Variants in UFD1 observed in about 807,000 individuals in gnomAD.
UFD1 encodes the protein ubiquitin recognition factor in ER associated degradation 1, also known as ubiquitin recognition factor in ER-associated degradation protein 1.
A neutral mutation model predicts 45.9 loss-of-function variants in UFD1; 13 were observed. The observed-to-expected ratio is 0.28, with a 90% CI of 0.18 to 0.45. The LOEUF is 0.45. Ranked by LOEUF, UFD1 falls within the 20% of genes least tolerant of loss-of-function variation. The probability of loss-of-function intolerance (pLI) is 1.00; values close to 1 mark genes in which losing one functional copy is unlikely to be tolerated. For missense variants in UFD1, 218 were observed against 389.2 expected, an observed-to-expected ratio of 0.56 and a Z score of 3.70; for synonymous variants, 128 against 139.2, an observed-to-expected ratio of 0.92 and a Z score of 0.56.
chr22:19,475,451 A>G lies in UFD1; in HGVS notation c.136+19T>C. 1 of 1,613,386 alleles carries G rather than the reference A, an allele frequency of 6.2e-7. No individual in the cohort carries two copies. On this transcript the variant is annotated intron_variant, in intron 2 of 11. Transcript: ENST00000263202. Reference sequence around the variant, plus strand: ...TTAGGGCAGGAAAAGTTACTATTCAAATAAAAACAAGCACATACTCTTCCC... The same window carrying G: ...TTAGGGCAGGAAAAGTTACTATTCAGATAAAAACAAGCACATACTCTTCCC...
intron 6 of UFD1, among the ~76,000 whole-genome samples, chr22:19,458,800 G>C (rs2089743468): frequency 6.6e-6 from 1 of 152,142 alleles, no homozygotes; most frequent in Non-Finnish European, 1.5e-5. Flanking sequence ...TTCTAAGAAT[G>C]CTCATACCAA....
rs933213664 is a variant in UFD1 at position 19,464,844 on chromosome 22, C to T, written c.495+358G>A. Among the ~76,000 whole-genome samples, 3 of 152,324 alleles carry T rather than the reference C, an allele frequency of 2.0e-5. 1 individual carries two copies. In the South Asian group the frequency reaches 6.2e-4, roughly 32 times the overall value. On this transcript the variant is annotated intron_variant, in intron 6 of 11. Coordinates refer to ENST00000263202, the MANE Select transcript of UFD1 (RefSeq NM_005659.7). ...GGGGCAGGTATCCCAAGGACAAGGA[C>T]CCAGCAGGGTTGTTATTGTGTCTCC...
chr22:19,462,389 G>T (rs1283795416), intron 6 of UFD1, among the ~76,000 whole-genome samples: 10 of 152,170 alleles, frequency 6.6e-5, no homozygotes, highest in Non-Finnish European at 1.5e-4. Flanking sequence ...GTCTAGGCCA[G>T]GCGCGGTGGC....
rs114601497 is a variant in UFD1 at position 19,459,413 on chromosome 22, G to T, written c.496-1274C>A. 3.7e-3 allele frequency among the ~76,000 whole-genome samples: 567 copies of T among 152,276 alleles called. 4 individuals carry two copies. The highest frequency in any genetic ancestry group is 0.013 in the African/African-American group (532 of 41,560). On this transcript the variant is annotated intron_variant, in intron 6 of 11. Coordinates refer to ENST00000263202, the MANE Select transcript of UFD1 (RefSeq NM_005659.7). ...GCAGATCACGAGGTCAGGCAAATGA[G>T]ACCATCCTTGCTAACATGGTGAAGA...
At chr22:19,456,754 G>A in intron 8 of UFD1, 99 bp downstream of exon 8, 1 of 1,613,192 alleles carries the variant, frequency 6.2e-7, no homozygotes, top group South Asian at 1.1e-5. Context: ...CAGAGGATAT[G>A]ACTACACCAA....
rs751006929 is a variant in UFD1, at chr22:19,475,146, G to T, written c.137-46C>A. ...AAATATTAAAAAATAAAAATAAAAAGGACAGACCAAAGGCAAGATGCAGTT... is the reference window on the plus strand; with the variant it reads ...AAATATTAAAAAATAAAAATAAAAATGACAGACCAAAGGCAAGATGCAGTT... On this transcript the variant is annotated intron_variant, in intron 2 of 11. Transcript: ENST00000263202. The T allele has an allele frequency of 2.5e-6, 4 of 1,571,480 alleles. No individual in the cohort carries two copies. In the Admixed American group the frequency reaches 7.1e-5, roughly 28 times the overall value.
Position 19,475,453 on chromosome 22 carries a change from T to A in UFD1, c.136+17A>T. 6.2e-7 allele frequency: 1 copy of A among 1,613,266 alleles called. No individual in the cohort carries two copies. Among genetic ancestry groups the A allele is most frequent in the African/African-American group, 1.3e-5 (1 of 74,950 alleles). The stretch of plus-strand genomic sequence containing the variant: ...AGGGCAGGAAAAGTTACTATTCAAA[T>A]AAAAACAAGCACATACTCTTCCCTC... On this transcript the variant is annotated intron_variant, in intron 2 of 11. Transcript: ENST00000263202.
chr22:19,460,830 G>C (rs891083044), intron 6 of UFD1, among the ~76,000 whole-genome samples: 1 of 151,044 alleles, frequency 6.6e-6, no homozygotes, highest in African/African-American at 2.4e-5. Flanking sequence ...CTTGACCCTG[G>C]CTCACTGCAG....
intron 7 of UFD1, among the ~76,000 whole-genome samples, chr22:19,457,736 G>C (rs1291296978): frequency 6.6e-6 from 1 of 152,090 alleles, no homozygotes; most frequent in African/African-American, 2.4e-5. Context: ...GCTTGAACCT[G>C]GGAGGTGGAG....
chr22:19,477,766 C>T (rs2063856312), intron 1 of UFD1, among the ~76,000 whole-genome samples: 1 of 152,048 alleles, frequency 6.6e-6, no homozygotes, highest in Non-Finnish European at 1.5e-5. Flanking sequence ...GGAATGCCAC[C>T]TACTGACAAA....
intron 6 of UFD1, among the ~76,000 whole-genome samples, chr22:19,459,940 T>C (rs1569328022): frequency 6.6e-6 from 1 of 151,980 alleles, no homozygotes; most frequent in Non-Finnish European, 1.5e-5. Flanking sequence ...TGTTTCACTA[T>C]GTTGGCCAGG....
chr22:19,475,616 A>G lies in UFD1; in HGVS notation c.4-14T>C. On this transcript the variant is annotated splice_polypyrimidine_tract_variant and intron_variant, in intron 1 of 11. Transcript: ENST00000263202. ...GTTGAAAGAGAACTAGAAGGAGGAA[A>G]GAGAAACAAGTATTAAAACAAAGGT... 6.2e-7 allele frequency: 1 copy of G among 1,613,866 alleles called. No homozygotes were observed.
At chr22:19,477,951 C>G (rs1405876814) in intron 1 of UFD1, among the ~76,000 whole-genome samples, 2 of 152,202 alleles carry the variant, frequency 1.3e-5, no homozygotes, top group Non-Finnish European at 2.9e-5. Context: ...TCAGCTAAAT[C>G]TTGGCCAGAA....
intron 1 of UFD1, chr22:19,478,670 T>C: frequency 5.4e-6 from 1 of 184,278 alleles, no homozygotes; most frequent in Non-Finnish European, 9.0e-6. Flanking sequence ...GGGCAAGAGC[T>C]GGGTGTCCCC....
At chr22:19,468,560 C>T (rs370753708) in intron 4 of UFD1, among the ~76,000 whole-genome samples, 1 of 152,094 alleles carries the variant, frequency 6.6e-6, no homozygotes, top group African/African-American at 2.4e-5. Context: ...AGAAGTGAGA[C>T]GGAAAGAGAT....
At chr22:19,461,891 TC>T (rs1292030611) in intron 6 of UFD1, among the ~76,000 whole-genome samples, 1 of 152,196 alleles carries the variant, frequency 6.6e-6, no homozygotes, top group Non-Finnish European at 1.5e-5. Context: ...ATAAGTTGGC[TC>T]ATTTCTTAGT....
At chr22:19,475,675 G>C (rs2146310616) in intron 1 of UFD1, 73 bp from the exon 2 acceptor site, 1 of 1,527,192 alleles carries the variant, frequency 6.5e-7, no homozygotes, top group South Asian at 1.1e-5. Flanking sequence ...AAACATGTCA[G>C]AGTAATTAAT....
intron 11 of UFD1, chr22:19,454,061 A>G: frequency 2.0e-6 from 2 of 985,714 alleles, no homozygotes; most frequent in Non-Finnish European, 2.4e-6. Context: ...CACCCTGCTC[A>G]GCTAGAAGGT....
intron 4 of UFD1, among the ~76,000 whole-genome samples, chr22:19,470,211 C>G (rs2089833802): frequency 1.3e-5 from 2 of 152,200 alleles, no homozygotes; most frequent in Admixed American, 1.3e-4. Flanking sequence ...AGCCCCCCAA[C>G]AGGCCAGGTT....
Sources: allele counts gnomAD v4.1 joint callset (sites outside exome capture counted in the v4.1 genomes callset), GRCh38; gene constraint gnomAD v4.1.1; transcripts MANE v1.5; gene names NCBI Gene and HGNC (gene_info 2026-07-23, HGNC 2026-07-21).